Variants in DENND1A observed in about 807,000 individuals in gnomAD.
DENND1A encodes the protein DENN domain containing 1A.
DENND1A carries 51 observed loss-of-function variants against 113.7 expected under a neutral mutation model. The observed-to-expected ratio is 0.45, with a 90% CI of 0.36 to 0.57. DENND1A has a LOEUF of 0.57. DENND1A is among the 20% of genes least tolerant of loss of function. The probability of loss-of-function intolerance (pLI) is 0.00; values close to 1 mark genes in which losing one functional copy is unlikely to be tolerated. For missense variants in DENND1A, 1,258 were observed against 1,395.9 expected, an observed-to-expected ratio of 0.90 and a Z score of 1.57; for synonymous variants, 565 against 570.8, an observed-to-expected ratio of 0.99 and a Z score of 0.14.
chr9:123,487,673 G>A (rs186056411), intron 13 of DENND1A, among the ~76,000 whole-genome samples: 4 of 152,174 alleles, frequency 2.6e-5, no homozygotes, highest in South Asian at 2.1e-4. Flanking sequence ...CTGGACAACA[G>A]AGACCACAGA....
At chr9:123,920,811 G>T (rs541876506) in intron 1 of DENND1A, among the ~76,000 whole-genome samples, 2 of 151,380 alleles carry the variant, frequency 1.3e-5, no homozygotes, top group Non-Finnish European at 2.9e-5. Context: ...GACTTCAAAT[G>T]ATCTGCCTGC....
chr9:123,809,465 A>G (rs980436171), intron 2 of DENND1A, among the ~76,000 whole-genome samples: 1 of 152,200 alleles, frequency 6.6e-6, no homozygotes, highest in African/African-American at 2.4e-5. Flanking sequence ...CTATGATCTA[A>G]AAGCCTGAGA....
intron 1 of DENND1A, among the ~76,000 whole-genome samples, chr9:123,879,495 T>C (rs1280507758): frequency 1.3e-5 from 2 of 152,096 alleles, no homozygotes; most frequent in Non-Finnish European, 2.9e-5. Flanking sequence ...ATCACGCTAC[T>C]GCACTCCAGC....
At chr9:123,646,582 A>G (rs968183731) in intron 9 of DENND1A, among the ~76,000 whole-genome samples, 1 of 152,072 alleles carries the variant, frequency 6.6e-6, no homozygotes, top group Non-Finnish European at 1.5e-5. Context: ...TTCTGAGGCC[A>G]TCTACCTAAA....
At chr9:123,427,169 C>A (rs1350289986) in intron 19 of DENND1A, among the ~76,000 whole-genome samples, 5 of 152,228 alleles carry the variant, frequency 3.3e-5, no homozygotes, top group Non-Finnish European at 7.3e-5. Context: ...CATGATCACA[C>A]AAGCACAAAT....
At chr9:123,899,402 T>C (rs1346957769) in intron 1 of DENND1A, among the ~76,000 whole-genome samples, 1 of 152,152 alleles carries the variant, frequency 6.6e-6, no homozygotes, top group Non-Finnish European at 1.5e-5. Context: ...ATTAATTTAA[T>C]GGTTCTCTAA....
intron 7 of DENND1A, among the ~76,000 whole-genome samples, chr9:123,669,362 C>G (rs2063648655): frequency 6.6e-6 from 1 of 152,140 alleles, no homozygotes; most frequent in Non-Finnish European, 1.5e-5. Context: ...AATAGTGAGC[C>G]AACACAATTC....
intron 2 of DENND1A, among the ~76,000 whole-genome samples, chr9:123,840,425 A>G (rs1841660148): frequency 1.3e-5 from 2 of 152,198 alleles, no homozygotes; most frequent in South Asian, 2.1e-4. Context: ...CATGATAATT[A>G]TAACAGAACT....
chr9:123,536,857 AAAC>A (rs1400098199), intron 13 of DENND1A, among the ~76,000 whole-genome samples: 1 of 152,204 alleles, frequency 6.6e-6, no homozygotes, highest in Non-Finnish European at 1.5e-5. Context: ...CCACCACCAA[AAAC>A]AACAGAAGAG....
intron 5 of DENND1A, chr9:123,751,643 C>T (rs1339425571): frequency 6.6e-6 from 1 of 152,308 alleles, no homozygotes; most frequent in Non-Finnish European, 1.5e-5. Flanking sequence ...GCCCCAGAAG[C>T]ACTCACAATT....
chr9:123,459,947 T>C (rs2048403291), intron 13 of DENND1A, among the ~76,000 whole-genome samples: 1 of 152,178 alleles, frequency 6.6e-6, no homozygotes, highest in Admixed American at 6.5e-5. Flanking sequence ...CTACCTAATT[T>C]TACAAAGGAT....
chr9:123,706,145 C>CTTTTTTTTTTTTTTTTTTTTTTTTTT (rs368559777), intron 5 of DENND1A, among the ~76,000 whole-genome samples: 1 of 133,142 alleles, frequency 7.5e-6, no homozygotes, highest in Non-Finnish European at 1.6e-5. Flanking sequence ...GATATTTTTT[C>CTTTTTTTTTTTTTTTTTTTTTTTTTT]TTTTTTTTTT....
At chr9:123,666,632 A>G (rs1186623818) in intron 8 of DENND1A, among the ~76,000 whole-genome samples, 2 of 152,232 alleles carry the variant, frequency 1.3e-5, no homozygotes, top group East Asian at 3.8e-4. Flanking sequence ...GAGAATGGCT[A>G]AACTACAGAG....
intron 13 of DENND1A, among the ~76,000 whole-genome samples, chr9:123,537,084 C>CT (rs1420276098): frequency 6.6e-6 from 1 of 152,072 alleles, no homozygotes; most frequent in Non-Finnish European, 1.5e-5. Context: ...CAGATTAAAA[C>CT]TACAACCTAC....
chr9:123,724,961 G>C (rs1374868966), intron 5 of DENND1A, among the ~76,000 whole-genome samples: 1 of 152,096 alleles, frequency 6.6e-6, no homozygotes, highest in African/African-American at 2.4e-5. Context: ...ATTTCAATCT[G>C]GCTCAAAACC....
intron 5 of DENND1A, among the ~76,000 whole-genome samples, chr9:123,707,450 C>T (rs374961361): frequency 6.0e-5 from 9 of 150,552 alleles, no homozygotes; most frequent in African/African-American, 1.9e-4. Context: ...AAGGGAGCAC[C>T]ATTTAACACT....
chr9:123,446,048 G>T (rs2132519969), intron 18 of DENND1A, among the ~76,000 whole-genome samples: 1 of 152,256 alleles, frequency 6.6e-6, no homozygotes, highest in South Asian at 2.1e-4. Flanking sequence ...CTTATCCAAG[G>T]TCACATAGTT....
chr9:123,762,976 T>C (rs1262793052), intron 4 of DENND1A, among the ~76,000 whole-genome samples: 1 of 151,894 alleles, frequency 6.6e-6, no homozygotes, highest in Non-Finnish European at 1.5e-5. Flanking sequence ...GTCCTGCTAA[T>C]GCACAGGAGA....
In DENND1A at chr9:123,499,943, C is replaced by T. The variant is rs568733153; in HGVS notation, c.994-42046G>A. On this transcript the variant is annotated intron_variant, in intron 13 of 23. Coordinates refer to ENST00000394215, the MANE Select transcript of DENND1A (RefSeq NM_001352964.2). Reference sequence around the variant, plus strand: ...CACAGAGCGAGCATCCTGCCACTGCCGAATGAATCGATGAGCAAGGAAGCA... The same window carrying T: ...CACAGAGCGAGCATCCTGCCACTGCTGAATGAATCGATGAGCAAGGAAGCA... Among the ~76,000 whole-genome samples the T allele has an allele frequency of 7.9e-5, 12 of 152,256 alleles. No homozygotes were observed. The South Asian group carries it at 8.3e-4, about 11-fold the overall frequency.
Sources: allele counts gnomAD v4.1 joint callset (sites outside exome capture counted in the v4.1 genomes callset), GRCh38; gene constraint gnomAD v4.1.1; transcripts MANE v1.5; gene names NCBI Gene and HGNC (gene_info 2026-07-23, HGNC 2026-07-21).